Variants in RANBP17 observed in about 807,000 individuals in gnomAD.
RANBP17 encodes RAN binding protein 17, also known as ran-binding protein 17.
A neutral mutation model predicts 141.2 loss-of-function variants in RANBP17; 158 were observed. The ratio of observed to expected loss-of-function variants is 1.12; its 90% CI spans 0.98 to 1.28. The LOEUF (loss-of-function observed/expected upper bound fraction) is 1.28, where lower values mean the gene tolerates loss of function less well. Ranked by LOEUF, RANBP17 falls within the 50% of genes most tolerant of loss-of-function variation. The probability of loss-of-function intolerance (pLI) is 0.00; values close to 1 mark genes in which losing one functional copy is unlikely to be tolerated. For synonymous variants in RANBP17, 430 were observed against 450.0 expected, an observed-to-expected ratio of 0.96 and a Z score of 0.56; for missense variants, 1,438 against 1,290.7, an observed-to-expected ratio of 1.11 and a Z score of -1.75.
chr5:170,888,749 G>C (rs766197306), intron 3 of RANBP17, among the ~76,000 whole-genome samples: 1 of 152,110 alleles, frequency 6.6e-6, no homozygotes, highest in East Asian at 1.9e-4. Flanking sequence ...AAGCAGTGGT[G>C]AGAGGGGACA....
rs1763577845 is a variant in RANBP17, at chr5:171,221,823, A to G, written c.2405A>G (p.Lys802Arg). Residue 802 changes from lysine (K) to arginine (R), a missense_variant, in exon 22 of 28, where the codon AAA becomes AGA. Lys to Arg is a conservative substitution (Grantham distance 26). Coordinates refer to ENST00000523189, the MANE Select transcript of RANBP17 (RefSeq NM_022897.5). ...NGILLFREAS[K>R]MVCTYGNQIL... ...ATTCTTCTCTTCAGAGAAGCTAGTAAAATGGTTTGCACTTATGGTGAGTGT... is the reference window on the plus strand; with the variant it reads ...ATTCTTCTCTTCAGAGAAGCTAGTAGAATGGTTTGCACTTATGGTGAGTGT... The G allele has an allele frequency of 6.2e-7, 1 of 1,604,348 alleles. No individual in the cohort carries two copies. Among genetic ancestry groups the G allele is most frequent in the Admixed American group, 1.7e-5 (1 of 59,932 alleles).
intron 24 of RANBP17, 94 bp downstream of exon 24, chr5:171,242,914 G>C: frequency 1.7e-6 from 2 of 1,179,352 alleles, no homozygotes; most frequent in Non-Finnish European, 2.4e-6. Context: ...TACAAAGGGG[G>C]AAAAGATATT....
intron 24 of RANBP17, chr5:171,252,756 A>C: frequency 7.3e-7 from 1 of 1,361,718 alleles, no homozygotes; most frequent in Non-Finnish European, 1.0e-6. Context: ...TTATTTGTAG[A>C]CTTGCTTCAT....
At chr5:171,273,337 C>G (rs948141844) in intron 25 of RANBP17, among the ~76,000 whole-genome samples, 8 of 152,198 alleles carry the variant, frequency 5.3e-5, no homozygotes, top group Non-Finnish European at 1.5e-5. Context: ...GAATCTACAC[C>G]TGAGTTCCTT....
At chr5:171,295,806 A>G in intron 26 of RANBP17, 81 bp from the exon 27 acceptor site, 1 of 1,495,922 alleles carries the variant, frequency 6.7e-7, no homozygotes, top group Non-Finnish European at 9.2e-7. Context: ...AGTAGATGAG[A>G]GCTGCTCTAT....
intron 16 of RANBP17, among the ~76,000 whole-genome samples, chr5:171,173,288 A>G (rs970046011): frequency 6.6e-6 from 1 of 152,050 alleles, no homozygotes; most frequent in African/African-American, 2.4e-5. Flanking sequence ...TTTTAAAGCA[A>G]TACATTATTT....
intron 14 of RANBP17, among the ~76,000 whole-genome samples, chr5:171,057,556 C>T (rs1320147775): frequency 6.6e-6 from 1 of 152,044 alleles, no homozygotes; most frequent in Non-Finnish European, 1.5e-5. Flanking sequence ...CCCCAGTCTC[C>T]ATTGCTTTAC....
At chr5:171,197,233 C>G (rs1190173428) in intron 18 of RANBP17, among the ~76,000 whole-genome samples, 1 of 152,116 alleles carries the variant, frequency 6.6e-6, no homozygotes, top group Non-Finnish European at 1.5e-5. Context: ...TACTTTTTAT[C>G]TAAACACAGT....
In RANBP17 at chr5:171,183,215, G is replaced by A. The variant is rs755335008; in HGVS notation, c.1914G>A (p.Met638Ile). ...TGAAGATAGATGCTGTGAAATTCAT[G>A]CTAAAAAACCACACGGTAAGTCTTA... Reference protein sequence around the residue: ...KLVKIDAVKFMLKNHTSEHFP... With the variant: ...KLVKIDAVKFILKNHTSEHFP... The change falls in exon 17 of 28, where the codon ATG becomes ATA. Residue 638 changes from methionine (M) to isoleucine (I), a missense_variant. Met to Ile is a conservative substitution (Grantham distance 10). Coordinates refer to ENST00000523189, the MANE Select transcript of RANBP17 (RefSeq NM_022897.5). 1 of 1,594,618 alleles carries A rather than the reference G, an allele frequency of 6.3e-7. No homozygotes were observed. Among genetic ancestry groups the A allele is most frequent in the Non-Finnish European group, 8.6e-7 (1 of 1,162,408 alleles).
At chr5:171,021,837 G>C (rs1020325412) in intron 14 of RANBP17, among the ~76,000 whole-genome samples, 1 of 152,192 alleles carries the variant, frequency 6.6e-6, no homozygotes, top group Non-Finnish European at 1.5e-5. Flanking sequence ...CGATAATTTG[G>C]AGAAGAGTCA....
chr5:171,007,492 C>T (rs1354227929), intron 14 of RANBP17, among the ~76,000 whole-genome samples: 3 of 151,802 alleles, frequency 2.0e-5, no homozygotes, highest in African/African-American at 7.3e-5. Context: ...TCAGATGGGT[C>T]AGTAGAAAAG....
At chr5:170,900,378 T>C (rs1770527934) in intron 5 of RANBP17, among the ~76,000 whole-genome samples, 1 of 152,172 alleles carries the variant, frequency 6.6e-6, no homozygotes, top group Admixed American at 6.5e-5. Context: ...TCGTTTTTTA[T>C]TGTGTCTATT....
chr5:171,058,050 G>A (rs921147908), intron 14 of RANBP17, among the ~76,000 whole-genome samples: 1 of 151,868 alleles, frequency 6.6e-6, no homozygotes, highest in East Asian at 1.9e-4. Context: ...ATATGTAGCT[G>A]GTTAGATATT....
At chr5:171,015,478 TCTGGTTTGGG>T (rs1780360491) in intron 14 of RANBP17, among the ~76,000 whole-genome samples, 1 of 152,122 alleles carries the variant, frequency 6.6e-6, no homozygotes, top group African/African-American at 2.4e-5. Flanking sequence ...TCTCAGGCAG[TCTGGTTTGGG>T]CTGTTTTTAT....
intron 14 of RANBP17, among the ~76,000 whole-genome samples, chr5:171,129,298 C>A (rs1429909241): frequency 1.9e-5 from 2 of 103,076 alleles, no homozygotes; most frequent in Non-Finnish European, 4.5e-5. Flanking sequence ...TATAGCAATT[C>A]TTTTACCACA....
chr5:171,169,312 T>C (rs996340625), intron 14 of RANBP17, among the ~76,000 whole-genome samples: 1 of 152,160 alleles, frequency 6.6e-6, no homozygotes, highest in African/African-American at 2.4e-5. Flanking sequence ...AGCTGGTGAC[T>C]GGCAGGGATA....
intron 25 of RANBP17, among the ~76,000 whole-genome samples, chr5:171,266,300 A>G (rs942171757): frequency 6.6e-6 from 1 of 152,048 alleles, no homozygotes; most frequent in African/African-American, 2.4e-5. Flanking sequence ...CATAGTTGCT[A>G]TTTTTCCCAT....
intron 25 of RANBP17, 131 bp from the exon 26 acceptor site, chr5:171,293,752 C>T (rs1768649551): frequency 2.8e-6 from 2 of 710,550 alleles, no homozygotes; most frequent in South Asian, 3.2e-5. Context: ...AGAGTCTAGT[C>T]CGTTTGTCCA....
At chr5:171,170,650 T>C (rs761331756) in intron 15 of RANBP17, among the ~76,000 whole-genome samples, 2 of 152,162 alleles carry the variant, frequency 1.3e-5, no homozygotes, top group Non-Finnish European at 2.9e-5. Context: ...ACTGTCCTTA[T>C]ATTGGACTTA....
Sources: gnomAD v4.1 joint callset for allele counts (sites outside exome capture counted in the v4.1 genomes callset) on GRCh38, gnomAD v4.1.1 for gene constraint, MANE v1.5 for transcripts, NCBI Gene and HGNC (gene_info 2026-07-23, HGNC 2026-07-21) for gene names.